Variants in POLN observed in about 807,000 individuals in gnomAD.
POLN encodes the protein DNA polymerase N.
POLN carries 108 observed loss-of-function variants against 113.5 expected under a neutral mutation model. The ratio of observed to expected loss-of-function variants is 0.95; its 90% CI spans 0.81 to 1.12. The LOEUF (loss-of-function observed/expected upper bound fraction) is 1.12. Among genes scored for constraint, POLN ranks in the 50% most tolerant of loss-of-function variants. The pLI, the probability that POLN is intolerant of heterozygous loss-of-function variation, is 0.00. For missense variants in POLN, 1,097 were observed against 1,077.1 expected, an observed-to-expected ratio of 1.02 and a Z score of -0.26; for synonymous variants, 386 against 391.5, an observed-to-expected ratio of 0.99 and a Z score of 0.17.
rs1157471266 is a variant in POLN, at chr4:2,153,968, C to T, written c.1731+2820G>A. Among the ~76,000 whole-genome samples the T allele has an allele frequency of 1.4e-4, 21 of 151,376 alleles. 1 individual carries two copies. Among genetic ancestry groups the T allele is most frequent in the South Asian group, 6.3e-4 (3 of 4,800 alleles). On this transcript the variant is annotated intron_variant, in intron 16 of 25. Coordinates refer to ENST00000511885, the MANE Select transcript of POLN (RefSeq NM_181808.4). ...ATCCCAGCACTTTGGGAGGCCGAGG[C>T]GGGCGGATCACAAGGTCAGGAGATT...
At chr4:2,221,917 T>C (rs1261071733) in intron 3 of POLN, among the ~76,000 whole-genome samples, 1 of 152,160 alleles carries the variant, frequency 6.6e-6, no homozygotes, top group Non-Finnish European at 1.5e-5. Context: ...CTTCGAGTTG[T>C]CCCGCCTTAC....
chr4:2,239,013 T>C lies in POLN; in HGVS notation c.-13+2507A>G, dbSNP rs564048728. ...ATAATCTCACTGGTCAAGCTAGAAATTTTAGCATCCAAATTTTCTTTGTCC... is the reference window on the plus strand; with the variant it reads ...ATAATCTCACTGGTCAAGCTAGAAACTTTAGCATCCAAATTTTCTTTGTCC... On this transcript the variant is annotated intron_variant, in intron 2 of 25. Transcript: ENST00000511885. 5.0e-5 allele frequency: 77 copies of C among 1,540,512 alleles called. No individual in the cohort carries two copies. In the Admixed American group the frequency reaches 1.6e-3, roughly 32 times the overall value.
At chr4:2,085,850 G>A (rs1234301285) in intron 20 of POLN, 106 bp from the exon 21 acceptor site, 1 of 1,474,624 alleles carries the variant, frequency 6.8e-7, no homozygotes, top group Non-Finnish European at 9.2e-7. Flanking sequence ...CTTTTCTGAT[G>A]GGTTGGGATG....
At chr4:2,225,948 C>T (rs1194818947) in intron 3 of POLN, among the ~76,000 whole-genome samples, 1 of 151,902 alleles carries the variant, frequency 6.6e-6, no homozygotes, top group African/African-American at 2.4e-5. Flanking sequence ...CTGCAATGAC[C>T]TGTGAACTCC....
At chr4:2,164,046 C>T (rs1732666440) in intron 13 of POLN, among the ~76,000 whole-genome samples, 1 of 152,216 alleles carries the variant, frequency 6.6e-6, no homozygotes, top group Admixed American at 6.5e-5. Flanking sequence ...CACATGCTGA[C>T]TTCTGTTCAC....
At chr4:2,076,353 A>T (rs1420114956) in intron 23 of POLN, 2 of 152,518 alleles carry the variant, frequency 1.3e-5, no homozygotes, top group African/African-American at 4.8e-5. Flanking sequence ...AACGGGTGAC[A>T]CACACCTTGG....
intron 24 of POLN, among the ~76,000 whole-genome samples, chr4:2,073,615 G>T (rs187922752): frequency 3.9e-5 from 6 of 152,384 alleles, no homozygotes; most frequent in Admixed American, 2.6e-4. Context: ...GAAAGGGAAG[G>T]CCTGGGCAGG....
At chr4:2,133,573 C>T (rs570966581) in intron 16 of POLN, among the ~76,000 whole-genome samples, 1 of 152,314 alleles carries the variant, frequency 6.6e-6, no homozygotes, top group Non-Finnish European at 1.5e-5. Flanking sequence ...TATAGACAGA[C>T]AAATACTGCA....
chr4:2,102,935 T>C (rs1277437738), intron 19 of POLN, among the ~76,000 whole-genome samples: 1 of 151,908 alleles, frequency 6.6e-6, no homozygotes, highest in African/African-American at 2.4e-5. Context: ...CAAATGAAAG[T>C]AAATTAAAAA....
chr4:2,128,781 G>A (rs34266147), intron 18 of POLN, among the ~76,000 whole-genome samples: 5,749 of 152,256 alleles, frequency 0.038, 153 homozygotes, highest in Non-Finnish European at 0.054. Flanking sequence ...GAGGCCAGCC[G>A]CAGTGGCTTA....
At chr4:2,157,282 C>T (rs1259770230) in intron 15 of POLN, among the ~76,000 whole-genome samples, 1 of 152,166 alleles carries the variant, frequency 6.6e-6, no homozygotes, top group Non-Finnish European at 1.5e-5. Context: ...ACATCTTCCT[C>T]AAATGAGTCC....
intron 5 of POLN, among the ~76,000 whole-genome samples, chr4:2,205,052 C>T (rs906036455): frequency 5.3e-5 from 8 of 152,140 alleles, no homozygotes; most frequent in South Asian, 2.1e-4. Context: ...CCCACTCTCA[C>T]GACTTCCTTT....
At chr4:2,078,252 G>C (rs1017622811) in intron 23 of POLN, among the ~76,000 whole-genome samples, 2 of 152,234 alleles carry the variant, frequency 1.3e-5, no homozygotes, top group African/African-American at 4.8e-5. Context: ...CACCAGAAGA[G>C]ACAGACAGGA....
chr4:2,182,606 G>T (rs951315957), intron 7 of POLN, among the ~76,000 whole-genome samples: 3 of 152,136 alleles, frequency 2.0e-5, no homozygotes, highest in African/African-American at 7.2e-5. Context: ...TTATGGTAAT[G>T]TTACAGCAGA....
chr4:2,104,760 G>A (rs557017376), intron 19 of POLN, among the ~76,000 whole-genome samples: 1 of 152,318 alleles, frequency 6.6e-6, no homozygotes, highest in South Asian at 2.1e-4. Flanking sequence ...CATGACAGCT[G>A]TATCTATGGC....
intron 3 of POLN, among the ~76,000 whole-genome samples, chr4:2,218,484 G>C (rs1014451109): frequency 6.6e-6 from 1 of 151,796 alleles, no homozygotes; most frequent in South Asian, 2.1e-4. Context: ...CTTGCAAGGG[G>C]ATATCCTACC....
chr4:2,081,315 G>A, intron 22 of POLN: 1 of 878,130 alleles, frequency 1.1e-6, no homozygotes, highest in Non-Finnish European at 1.7e-6. Context: ...CCTAGGCCAA[G>A]TGCCAAGGAA....
intron 2 of POLN, chr4:2,236,541 T>G: frequency 1.1e-6 from 1 of 885,914 alleles, no homozygotes; most frequent in South Asian, 1.5e-5. Context: ...TTGGGGCATT[T>G]GTGGGGATAG....
chr4:2,164,829 A>T (rs950338202), intron 13 of POLN, among the ~76,000 whole-genome samples: 2 of 139,022 alleles, frequency 1.4e-5, no homozygotes, highest in African/African-American at 5.5e-5. Context: ...AAAAAAAAAA[A>T]AAAAAAAAAA....
Sources: allele counts gnomAD v4.1 joint callset (sites outside exome capture counted in the v4.1 genomes callset), GRCh38; gene constraint gnomAD v4.1.1; transcripts MANE v1.5; gene names NCBI Gene and HGNC (gene_info 2026-07-23, HGNC 2026-07-21).